KIR3DL1: variants seen among roughly 807,000 people sequenced by gnomAD.
KIR3DL1 encodes the protein killer cell immunoglobulin-like receptor 3DL1.
Under a neutral mutation model 40.3 loss-of-function variants are expected in KIR3DL1, and 50 were observed. The ratio of observed to expected loss-of-function variants is 1.24; its 90% CI spans 0.99 to 1.57. The LOEUF is 1.57. Ranked by LOEUF, KIR3DL1 falls within the 40% of genes most tolerant of loss-of-function variation. The probability of loss-of-function intolerance (pLI) is 0.00; values close to 1 mark genes in which losing one functional copy is unlikely to be tolerated. For missense variants in KIR3DL1, 661 were observed against 559.9 expected (o/e 1.18, Z -1.82); for synonymous variants, 257 against 207.2 (o/e 1.24, Z -2.07).
intron 2 of KIR3DL1, 121 bp downstream of exon 2, chr19:54,817,690 C>A (rs1264481479): frequency 1.3e-6 from 1 of 788,284 alleles, no homozygotes. Context: ...CTCGGATGCT[C>A]GGCCCACATT....
chr19:54,820,186 A>C (rs564607198), intron 4 of KIR3DL1, among the ~76,000 whole-genome samples, 174 bp downstream of exon 4: 25 of 151,308 alleles, frequency 1.7e-4, no homozygotes, highest in South Asian at 4.2e-4. Context: ...TAAGTACAGA[A>C]CAGGTGTCAT....
At chr19:54,821,688 G>A (rs201795773) in exon 5 of KIR3DL1, 4 of 1,609,206 alleles carry the variant, frequency 2.5e-6, no homozygotes, top group South Asian at 1.1e-5. Flanking sequence ...AGGGAGGGGG[G>A]AGCCCATGAA....
At chr19:54,822,295 C>G (rs1187104369) in intron 5 of KIR3DL1, among the ~76,000 whole-genome samples, 1 of 151,166 alleles carries the variant, frequency 6.6e-6, no homozygotes, top group Non-Finnish European at 1.5e-5. Context: ...AATTTACCAC[C>G]TTTACCATTT....
At position 54,828,989 on chromosome 19, in the gene KIR3DL1, C is replaced by T. The variant is rs1315785579; in HGVS notation, c.1001-372C>T. Among the ~76,000 whole-genome samples, 14 of 140,436 alleles carry T rather than the reference C, an allele frequency of 1.0e-4. 1 individual carries two copies. Among genetic ancestry groups the T allele is most frequent in the Non-Finnish European group, 1.6e-4 (10 of 63,520 alleles). The allele number at this position is 140,436 out of a possible 152,430, so 92.1% of individuals were successfully genotyped here. ...TCCAAGCTCTTTTTAACAACCAGCT[C>T]TCCAGGAACTAATAGAGAGGGAACT... On this transcript the variant is annotated intron_variant, in intron 6 of 8. Transcript: ENST00000391728.
chr19:54,816,942 G>A (rs1211191391), intron 1 of KIR3DL1, among the ~76,000 whole-genome samples: 2 of 145,684 alleles, frequency 1.4e-5, no homozygotes, highest in Non-Finnish European at 3.0e-5. Context: ...GGCCTGAAGT[G>A]GAGATATGGG....
At chr19:54,819,925 G>T (rs1394459257) in exon 4 of KIR3DL1, 1 of 1,612,100 alleles carries the variant, frequency 6.2e-7, no homozygotes, top group Non-Finnish European at 8.5e-7. Flanking sequence ...GCTTGCCCTT[G>T]CAGGGACCTA....
chr19:54,816,807 G>A (rs1186639841), intron 1 of KIR3DL1, among the ~76,000 whole-genome samples: 1 of 100,286 alleles, frequency 1.0e-5, no homozygotes, highest in Non-Finnish European at 1.9e-5. Flanking sequence ...GCCTGGAGGG[G>A]AGATATGGGC....
intron 6 of KIR3DL1, among the ~76,000 whole-genome samples, chr19:54,826,380 T>C (rs2061889806): frequency 6.7e-6 from 1 of 149,818 alleles, no homozygotes; most frequent in African/African-American, 2.5e-5. Context: ...AGTGTCACGA[T>C]CTTGGCTCAC....
chr19:54,820,024 T>G lies in KIR3DL1; in HGVS notation c.655+12T>G. The stretch of plus-strand genomic sequence containing the variant: ...CATCGTGGTCACAGGTGAGAGTGTC[T>G]AGACATTGTTCTCATTGTCACTGGG... On this transcript the variant is annotated intron_variant, in intron 4 of 8. Transcript: ENST00000391728. The G allele has an allele frequency of 1.2e-6, 2 of 1,606,754 alleles. No homozygotes were observed. Among genetic ancestry groups the G allele is most frequent in the African/African-American group, 2.7e-5 (2 of 74,158 alleles).
intron 5 of KIR3DL1, 25 bp downstream of exon 5, chr19:54,821,883 A>G (rs2061660144): frequency 1.9e-6 from 3 of 1,590,070 alleles, no homozygotes; most frequent in African/African-American, 2.7e-5. Context: ...TATCTCTCTC[A>G]TGTCCTATGA....
intron 1 of KIR3DL1, 91 bp from the exon 2 acceptor site, chr19:54,817,443 G>A (rs2061406757): frequency 2.0e-5 from 22 of 1,102,724 alleles, no homozygotes; most frequent in Non-Finnish European, 2.8e-5. Flanking sequence ...CCCAGCAAGG[G>A]CCTGGCTGCC....
At position 54,829,993 on chromosome 19, in the gene KIR3DL1, C is replaced by T. The variant is rs1044891532; in HGVS notation, c.1158+13C>T. ...AGCCAACAGCGAGGTAGGTGCTCCT[C>T]GGCCCAGCCTCGTGGCTAGTGTTAT... On this transcript the variant is annotated intron_variant, in intron 8 of 8. Coordinates refer to ENST00000391728, the Ensembl canonical transcript of KIR3DL1. 3.9e-6 allele frequency: 6 copies of T among 1,528,906 alleles called. 2 individuals carry two copies. Among genetic ancestry groups the T allele is most frequent in the African/African-American group, 2.8e-5 (2 of 72,382 alleles). The allele number at this position is 1,528,906 out of a possible 1,614,324, so 94.7% of individuals were successfully genotyped here. A position where few individuals can be genotyped will look rare whatever the true frequency, so the allele number is the denominator to read the frequency against.
At chr19:54,830,682 G>T in exon 9 of KIR3DL1, 1 of 199,028 alleles carries the variant, frequency 5.0e-6, no homozygotes. Flanking sequence ...ACCTTTCTTC[G>T]GACTATTTTC....
chr19:54,818,487 C>A lies in KIR3DL1; in HGVS notation c.243C>A (p.Asn81Lys), dbSNP rs190589393. Reference sequence around the variant, plus strand: ...GCAGAATATTCCAGGAGAGCTTCAACATGAGCCCTGTGACCACAGCACATG... The same window carrying A: ...GCAGAATATTCCAGGAGAGCTTCAAAATGAGCCCTGTGACCACAGCACATG... Residue 81 changes from asparagine (N) to lysine (K), a missense_variant, in exon 3 of 9, where the codon AAC becomes AAA. By Grantham distance (94) the Asn-to-Lys change is moderately conservative (BLOSUM62 0). Transcript: ENST00000391728. 33 of 1,610,676 alleles carry A rather than the reference C, an allele frequency of 2.0e-5. No homozygotes were observed. Among genetic ancestry groups the A allele is most frequent in the Non-Finnish European group, 2.5e-5 (29 of 1,178,976 alleles).
rs780715882 is a variant in KIR3DL1, at chr19:54,819,654, G to C, written c.356-59G>C. ...GGAGGGGAACCCTCACTCATTCCAG[G>C]TGCCATGGATGGGATGATAAAGAGA... On this transcript the variant is annotated intron_variant, in intron 3 of 8. Transcript: ENST00000391728. 4.7e-5 allele frequency: 73 copies of C among 1,551,572 alleles called. No homozygotes were observed. In the Middle Eastern group the frequency reaches 1.3e-3, roughly 28 times the overall value.
At position 54,817,520 on chromosome 19, in the gene KIR3DL1, A is replaced by T. The variant is rs1189601834; in HGVS notation, c.35-14A>T. ...GCCTGCAGAGGGATGGTCCATCATG[A>T]TCTTTCTTTCTAGGGTTGTTCTTGG... On this transcript the variant is annotated splice_polypyrimidine_tract_variant and intron_variant, in intron 1 of 8. Coordinates refer to ENST00000391728, the Ensembl canonical transcript of KIR3DL1. 2.6e-4 allele frequency: 388 copies of T among 1,503,678 alleles called. 24 individuals carry two copies. In the East Asian group the frequency reaches 9.3e-3, roughly 36 times the overall value. 93.1% of individuals were successfully genotyped at this position (1,503,678 alleles called of 1,614,324 possible). A position where few individuals can be genotyped will look rare whatever the true frequency, so the allele number is the denominator to read the frequency against.
intron 6 of KIR3DL1, among the ~76,000 whole-genome samples, chr19:54,827,833 A>G (rs2061984172): frequency 2.7e-5 from 4 of 150,610 alleles, no homozygotes; most frequent in Middle Eastern, 3.4e-3. Flanking sequence ...TCCAGCACAA[A>G]TCCTGGAATA....
At chr19:54,830,179 C>T in exon 9 of KIR3DL1, 2 of 1,524,456 alleles carry the variant, frequency 1.3e-6, no homozygotes, top group East Asian at 2.3e-5. Context: ...AAATCACTCG[C>T]CCTTCTCAGA....
rs540706600 is a variant in KIR3DL1, at chr19:54,816,537, G to A, written c.34+3G>A. ...GGTCGTCAGCATGGCGTGTGTTGGT[G>A]AGTCCTGGAAGGGAATCGAGGGAGG... On this transcript the variant is annotated splice_donor_region_variant and intron_variant, in intron 1 of 8. Coordinates refer to ENST00000391728, the Ensembl canonical transcript of KIR3DL1. 5.0e-6 allele frequency: 8 copies of A among 1,608,616 alleles called. No homozygotes were observed. The highest frequency in any genetic ancestry group is 2.8e-5 in the African/African-American group (2 of 72,656).
Sources: gnomAD v4.1 joint callset for allele counts (sites outside exome capture counted in the v4.1 genomes callset) on GRCh38, gnomAD v4.1.1 for gene constraint, MANE v1.5 for transcripts, NCBI Gene and HGNC (gene_info 2026-07-23, HGNC 2026-07-21) for gene names.